The following CAB39L variants were observed in gnomAD, a reference collection of about 807,000 sequenced individuals.
The protein encoded by CAB39L is calcium binding protein 39 like.
In CAB39L, 23 loss-of-function variants were observed where a neutral mutation model predicts 39.1. The observed-to-expected ratio is 0.59, with a 90% CI of 0.42 to 0.83. The LOEUF (loss-of-function observed/expected upper bound fraction) is 0.83, where lower values mean the gene tolerates loss of function less well. CAB39L is among the 40% of genes least tolerant of loss of function. CAB39L has a pLI of 0.00. For missense variants in CAB39L, 366 were observed against 391.9 expected, an observed-to-expected ratio of 0.93 and a Z score of 0.56; for synonymous variants, 126 against 137.2, an observed-to-expected ratio of 0.92 and a Z score of 0.57.
chr13:49,386,074 C>T (rs1341903067), intron 3 of CAB39L, among the ~76,000 whole-genome samples: 1 of 152,104 alleles, frequency 6.6e-6, no homozygotes, highest in East Asian at 1.9e-4. Context: ...TAATTGCTGT[C>T]TTTCTCCCTG....
intron 3 of CAB39L, among the ~76,000 whole-genome samples, chr13:49,385,824 T>C (rs937703560): frequency 1.3e-5 from 2 of 152,186 alleles, no homozygotes; most frequent in African/African-American, 4.8e-5. Context: ...ATTACAATAG[T>C]TAACATCAGA....
At chr13:49,442,225 C>T (rs993602700) in intron 1 of CAB39L, among the ~76,000 whole-genome samples, 3 of 152,154 alleles carry the variant, frequency 2.0e-5, no homozygotes, top group Admixed American at 6.5e-5. Flanking sequence ...TCTTTGAAAA[C>T]GTTCCTTTTA....
intron 10 of CAB39L, among the ~76,000 whole-genome samples, chr13:49,331,477 C>T (rs895249889): frequency 1.3e-5 from 2 of 151,634 alleles, no homozygotes; most frequent in Non-Finnish European, 2.9e-5. Context: ...AAACAAAAAA[C>T]AAAAAACAAA....
At chr13:49,418,139 GA>G (rs915672741) in intron 3 of CAB39L, among the ~76,000 whole-genome samples, 21 of 150,220 alleles carry the variant, frequency 1.4e-4, no homozygotes, top group East Asian at 3.9e-4. Flanking sequence ...CCCAAAAGTA[GA>G]AAAAAAAATG....
At position 49,310,253 on chromosome 13, in the gene CAB39L, A is replaced by T. The variant is rs1953947694; in HGVS notation, c.*561T>A. 1 of 152,802 alleles carries T rather than the reference A, an allele frequency of 6.5e-6. No individual in the cohort carries two copies. The highest frequency in any genetic ancestry group is 1.5e-5 in the Non-Finnish European group (1 of 68,598). 9.5% of individuals were successfully genotyped at this position (152,802 alleles called of 1,614,324 possible). A position where few individuals can be genotyped will look rare whatever the true frequency, so the allele number is the denominator to read the frequency against. ...CTGGGATGGAATGCAGGACAGGGAGAGAGGGGAGACTGAGCTGAGAGGGAG... is the reference window on the plus strand; with the variant it reads ...CTGGGATGGAATGCAGGACAGGGAGTGAGGGGAGACTGAGCTGAGAGGGAG... On this transcript the variant is annotated 3_prime_UTR_variant, in exon 11 of 11. Coordinates refer to ENST00000409308, the MANE Select transcript of CAB39L (RefSeq NM_001079670.3).
At chr13:49,436,282 G>T (rs1042977375) in intron 1 of CAB39L, among the ~76,000 whole-genome samples, 2 of 152,174 alleles carry the variant, frequency 1.3e-5, no homozygotes, top group African/African-American at 4.8e-5. Flanking sequence ...TACACAATGA[G>T]CCTTTTCAAC....
chr13:49,403,402 C>A (rs988930381), intron 3 of CAB39L, among the ~76,000 whole-genome samples: 1 of 151,986 alleles, frequency 6.6e-6, no homozygotes, highest in Non-Finnish European at 1.5e-5. Context: ...TTTTTAAAAT[C>A]TAGCACACAA....
Position 49,313,337 on chromosome 13 carries a change from C to G in CAB39L, c.835-2344G>C, listed in dbSNP as rs545112496. ...TCTACTAAAAATACAAAAAATTAGC[C>G]AGGCGTGGTGGCGGGCGCCTGTAGT... is the stretch of plus-strand genomic sequence containing the variant. On this transcript the variant is annotated intron_variant, in intron 10 of 10. Coordinates refer to ENST00000409308, the MANE Select transcript of CAB39L (RefSeq NM_001079670.3). Among the ~76,000 whole-genome samples, 29 of 152,192 alleles carry G rather than the reference C, an allele frequency of 1.9e-4. No individual in the cohort carries two copies. The East Asian group carries it at 5.6e-3, about 29-fold the overall frequency.
At chr13:49,411,341 C>T (rs1462948176) in intron 3 of CAB39L, among the ~76,000 whole-genome samples, 5 of 145,796 alleles carry the variant, frequency 3.4e-5, no homozygotes, top group Admixed American at 7.1e-5. Context: ...GCCTTGGAGG[C>T]GGAGGTTGCA....
chr13:49,369,072 A>G (rs981284645), intron 5 of CAB39L, among the ~76,000 whole-genome samples: 4 of 152,234 alleles, frequency 2.6e-5, no homozygotes, highest in African/African-American at 4.8e-5. Flanking sequence ...AATGTACATG[A>G]AAAGATGCTC....
intron 4 of CAB39L, among the ~76,000 whole-genome samples, chr13:49,379,817 C>T (rs1956214330): frequency 6.7e-6 from 1 of 149,714 alleles, no homozygotes; most frequent in South Asian, 2.1e-4. Context: ...TTTGGTATTT[C>T]TACTTAGTCA....
chr13:49,427,035 C>T (rs1957255275), intron 3 of CAB39L, among the ~76,000 whole-genome samples: 1 of 152,204 alleles, frequency 6.6e-6, no homozygotes, highest in Non-Finnish European at 1.5e-5. Context: ...TCAATCCTTT[C>T]TTTAGCATAC....
At chr13:49,439,832 T>C (rs952201147) in intron 1 of CAB39L, among the ~76,000 whole-genome samples, 44 of 152,074 alleles carry the variant, frequency 2.9e-4, no homozygotes, top group Admixed American at 1.8e-3. Context: ...CTCTGATGAT[T>C]AGTGATGTGG....
At chr13:49,331,788 T>G (rs922350709) in intron 10 of CAB39L, among the ~76,000 whole-genome samples, 159 bp downstream of exon 10, 4 of 152,190 alleles carry the variant, frequency 2.6e-5, no homozygotes, top group African/African-American at 9.6e-5. Context: ...GGGCATTCAT[T>G]AAGATAACTC....
chr13:49,421,185 C>G (rs897208380), intron 3 of CAB39L, among the ~76,000 whole-genome samples: 8 of 152,172 alleles, frequency 5.3e-5, no homozygotes, highest in African/African-American at 1.7e-4. Context: ...TGCAAAGAAA[C>G]TGCCTCCCCT....
chr13:49,330,126 G>A (rs988081700), intron 10 of CAB39L, among the ~76,000 whole-genome samples: 2 of 152,144 alleles, frequency 1.3e-5, no homozygotes, highest in East Asian at 3.9e-4. Flanking sequence ...TGGGACCCAA[G>A]ACAGCTACCA....
intron 6 of CAB39L, among the ~76,000 whole-genome samples, chr13:49,352,791 T>C (rs541712460): frequency 3.4e-4 from 52 of 152,232 alleles, no homozygotes; most frequent in Admixed American, 1.1e-3. Flanking sequence ...TAAAGAGATA[T>C]CATTGACCAT....
chr13:49,323,366 G>A (rs1392048135), intron 10 of CAB39L, among the ~76,000 whole-genome samples: 1 of 152,124 alleles, frequency 6.6e-6, no homozygotes, highest in East Asian at 1.9e-4. Flanking sequence ...TCCTTCCCAG[G>A]TCTGTGATAC....
At chr13:49,382,767 C>G (rs760682045) in intron 4 of CAB39L, 33 bp downstream of exon 4, 3 of 1,368,744 alleles carry the variant, frequency 2.2e-6, no homozygotes, top group Non-Finnish European at 3.1e-6. Flanking sequence ...GATGCATGTA[C>G]TTTAATCATA....
Sources: allele counts gnomAD v4.1 joint callset (sites outside exome capture counted in the v4.1 genomes callset), GRCh38; gene constraint gnomAD v4.1.1; transcripts MANE v1.5; gene names NCBI Gene and HGNC (gene_info 2026-07-23, HGNC 2026-07-21).